KDM4C: variants seen among roughly 807,000 people sequenced by gnomAD.
KDM4C encodes the protein lysine-specific demethylase 4C.
A neutral mutation model predicts 129.3 loss-of-function variants in KDM4C; 81 were observed. The ratio of observed to expected loss-of-function variants is 0.63; its 90% CI spans 0.52 to 0.75. The LOEUF is 0.75. KDM4C is among the 30% of genes least tolerant of loss of function. KDM4C has a pLI of 0.00. For synonymous variants in KDM4C, 573 were observed against 456.1 expected (o/e 1.26, Z -3.26); for missense variants, 1,457 against 1,304.0 (o/e 1.12, Z -1.81).
At chr9:6,824,176 G>A (rs1833504516) in intron 4 of KDM4C, among the ~76,000 whole-genome samples, 1 of 152,198 alleles carries the variant, frequency 6.6e-6, no homozygotes, top group Admixed American at 6.5e-5. Flanking sequence ...GATAACAGAG[G>A]ATGAAGGTTA....
intron 8 of KDM4C, 24 bp downstream of exon 8, chr9:6,893,256 G>A (rs375123656): frequency 6.3e-7 from 1 of 1,588,452 alleles, no homozygotes; most frequent in Admixed American, 1.8e-5. Flanking sequence ...CAAAAATAAA[G>A]CAAAAATTAA....
At chr9:7,166,419 G>A (rs536423358) in intron 20 of KDM4C, among the ~76,000 whole-genome samples, 4 of 147,824 alleles carry the variant, frequency 2.7e-5, no homozygotes, top group Non-Finnish European at 5.9e-5. Context: ...GAATGGATAG[G>A]GGAGGATGTA....
chr9:7,083,576 T>A (rs1834779123), intron 17 of KDM4C, among the ~76,000 whole-genome samples: 1 of 152,188 alleles, frequency 6.6e-6, no homozygotes, highest in East Asian at 1.9e-4. Context: ...GGTAGGCAGT[T>A]ATAACACAAT....
rs151298109 is a variant in KDM4C at position 7,030,533 on chromosome 9, T to G, written c.2259+14604T>G. Among the ~76,000 whole-genome samples, 1,141 of 152,276 alleles carry G rather than the reference T, an allele frequency of 7.5e-3. 21 individuals carry two copies. Among genetic ancestry groups the G allele is most frequent in the African/African-American group, 0.025 (1,037 of 41,560 alleles). On this transcript the variant is annotated intron_variant, in intron 15 of 21. Transcript: ENST00000381309. The stretch of plus-strand genomic sequence containing the variant: ...GTGCTGCTCTGGTGGGGGATGTTGA[T>G]AATGATGGAAGCTATGTATGTGTGC...
intron 5 of KDM4C, among the ~76,000 whole-genome samples, chr9:6,869,351 C>T (rs182795389): frequency 2.7e-4 from 41 of 152,324 alleles, no homozygotes; most frequent in African/African-American, 9.6e-4. Flanking sequence ...TTTCAGGCAC[C>T]TCATTCTCCA....
intron 2 of KDM4C, among the ~76,000 whole-genome samples, chr9:6,805,029 T>C (rs1829706006): frequency 6.6e-6 from 1 of 151,718 alleles, no homozygotes; most frequent in African/African-American, 2.4e-5. Flanking sequence ...GCCTCCCGGG[T>C]AGCTGGGACT....
At chr9:7,025,899 T>C (rs1825729281) in intron 15 of KDM4C, among the ~76,000 whole-genome samples, 2 of 152,308 alleles carry the variant, frequency 1.3e-5, no homozygotes, top group South Asian at 2.1e-4. Flanking sequence ...CAACTTCCTT[T>C]TCTTTCTGAT....
rs910534287 is a variant in KDM4C, at chr9:7,013,796, C to T, written c.1977C>T (p.Ser659=). 29 of 1,613,518 alleles carry T rather than the reference C, an allele frequency of 1.8e-5. No individual in the cohort carries two copies. In the Admixed American group the frequency reaches 3.7e-4, roughly 20 times the overall value. ...TLLMPYHKPD[S]SNEENDARWE... ...AACGTTATGTTTTTCAGCCAGATAGCAGCAATGAAGAAAATGATGCTAGAT... is the reference window on the plus strand; with the variant it reads ...AACGTTATGTTTTTCAGCCAGATAGTAGCAATGAAGAAAATGATGCTAGAT... The change falls in exon 14 of 22, where the codon AGC becomes AGT. Residue 659 remains serine (S), a synonymous_variant. Transcript: ENST00000381309.
At chr9:7,026,398 C>T (rs957000498) in intron 15 of KDM4C, among the ~76,000 whole-genome samples, 3 of 151,722 alleles carry the variant, frequency 2.0e-5, no homozygotes, top group Non-Finnish European at 4.4e-5. Flanking sequence ...TTAAATATGT[C>T]ATGACACTCT....
At chr9:6,959,908 A>C (rs879722657) in intron 8 of KDM4C, among the ~76,000 whole-genome samples, 12 of 151,788 alleles carry the variant, frequency 7.9e-5, no homozygotes, top group Non-Finnish European at 1.5e-4. Context: ...GTTACTACGA[A>C]AGTGACAACA....
intron 8 of KDM4C, among the ~76,000 whole-genome samples, chr9:6,915,688 A>G (rs182676183): frequency 7.9e-5 from 12 of 152,314 alleles, no homozygotes; most frequent in Admixed American, 7.2e-4. Flanking sequence ...AACAATTTGT[A>G]TATTCCTTGG....
intron 8 of KDM4C, among the ~76,000 whole-genome samples, chr9:6,969,451 A>G (rs1831563073): frequency 1.3e-5 from 2 of 152,330 alleles, no homozygotes; most frequent in South Asian, 2.1e-4. Context: ...TTCCAAGCAT[A>G]TTAACTGACT....
rs757112398 is a variant in KDM4C, at chr9:6,760,507, G to C, written c.-18+2304G>C. Among the ~76,000 whole-genome samples the C allele has an allele frequency of 1.4e-3, 203 of 149,924 alleles. 1 individual carries two copies. The highest frequency in any genetic ancestry group is 4.9e-3 in the African/African-American group (199 of 40,872). On this transcript the variant is annotated intron_variant, in intron 1 of 21. Transcript: ENST00000381309. ...AAACATCTGTTGAATGACTGCATGC[G>C]TAAGGAGGGATAGTTAGTCTTGGGT...
chr9:6,898,251 A>G (rs1816776158), intron 8 of KDM4C, among the ~76,000 whole-genome samples: 1 of 152,212 alleles, frequency 6.6e-6, no homozygotes, highest in South Asian at 2.1e-4. Flanking sequence ...AGCAGCCTCA[A>G]GCACTATGAT....
chr9:7,113,945 A>G (rs1838615879), intron 18 of KDM4C, among the ~76,000 whole-genome samples: 1 of 152,076 alleles, frequency 6.6e-6, no homozygotes, highest in Non-Finnish European at 1.5e-5. Flanking sequence ...ACTGCTTGCC[A>G]CTTAGAACCA....
intron 8 of KDM4C, among the ~76,000 whole-genome samples, chr9:6,961,037 A>T (rs879514559): frequency 5.9e-5 from 9 of 152,202 alleles, no homozygotes; most frequent in Middle Eastern, 6.3e-3. Flanking sequence ...GACACTCTCA[A>T]ATTCACTTTC....
chr9:6,881,452 C>T lies in KDM4C; in HGVS notation c.679+1391C>T, dbSNP rs563198957. 1.2e-4 allele frequency among the ~76,000 whole-genome samples: 18 copies of T among 152,232 alleles called. 1 individual carries two copies. The South Asian group carries it at 1.7e-3, about 14-fold the overall frequency. ...AGATGATTACTGTAACACTTAACTA[C>T]GTAGGAAGTGAACTTTGTGTTAAGA... On this transcript the variant is annotated intron_variant, in intron 6 of 21. Coordinates refer to ENST00000381309, the MANE Select transcript of KDM4C (RefSeq NM_015061.6).
chr9:6,906,183 A>G (rs1563791958), intron 8 of KDM4C, among the ~76,000 whole-genome samples: 1 of 152,182 alleles, frequency 6.6e-6, no homozygotes, highest in Non-Finnish European at 1.5e-5. Flanking sequence ...TTTCATGATG[A>G]GAGAGCACTT....
chr9:7,095,781 G>A (rs1221288571), intron 17 of KDM4C, among the ~76,000 whole-genome samples: 6 of 152,176 alleles, frequency 3.9e-5, no homozygotes, highest in Admixed American at 1.3e-4. Flanking sequence ...AGTGACTCTA[G>A]CAGGGTACAG....
Sources: gnomAD v4.1 joint callset for allele counts (sites outside exome capture counted in the v4.1 genomes callset) on GRCh38, gnomAD v4.1.1 for gene constraint, MANE v1.5 for transcripts, NCBI Gene and HGNC (gene_info 2026-07-23, HGNC 2026-07-21) for gene names.